VTI1A: variants seen among roughly 807,000 people sequenced by gnomAD.
VTI1A encodes vesicle transport through interaction with t-SNAREs homolog 1A.
A neutral mutation model predicts 34.9 loss-of-function variants in VTI1A; 22 were observed. That is an observed-to-expected ratio of 0.63 (90% CI 0.45 to 0.90). The LOEUF is 0.90. VTI1A is among the 40% of genes least tolerant of loss of function. The pLI is 0.00. For synonymous variants in VTI1A, 87 were observed against 97.3 expected, an observed-to-expected ratio of 0.89 and a Z score of 0.62; for missense variants, 268 against 275.6, an observed-to-expected ratio of 0.97 and a Z score of 0.20.
At chr10:112,748,528 G>T (rs1191266551) in intron 7 of VTI1A, among the ~76,000 whole-genome samples, 2 of 148,874 alleles carry the variant, frequency 1.3e-5, no homozygotes, top group Non-Finnish European at 3.0e-5. Context: ...TATTCTGAAA[G>T]CCAAGATGTG....
chr10:112,539,652 G>T (rs1479055529), intron 5 of VTI1A, among the ~76,000 whole-genome samples: 1 of 152,108 alleles, frequency 6.6e-6, no homozygotes. Context: ...ACCAGGCTTG[G>T]GTTCTAGCTC....
At chr10:112,585,391 C>CT (rs890125781) in intron 5 of VTI1A, among the ~76,000 whole-genome samples, 6 of 151,468 alleles carry the variant, frequency 4.0e-5, no homozygotes, top group Admixed American at 1.3e-4. Flanking sequence ...CAGCTTGTTA[C>CT]TTTTTTTTTG....
chr10:112,631,832 C>T (rs1404243639), intron 5 of VTI1A, among the ~76,000 whole-genome samples: 1 of 152,120 alleles, frequency 6.6e-6, no homozygotes, highest in Non-Finnish European at 1.5e-5. Flanking sequence ...TCATAATGCT[C>T]CATGTACTAA....
At position 112,790,580 on chromosome 10, in the gene VTI1A, G is replaced by C. The variant is rs190804931; in HGVS notation, c.561-24710G>C. On this transcript the variant is annotated intron_variant, in intron 7 of 7. Transcript: ENST00000393077. ...GACAATGCTGCTAGGCCTGGGTTTT[G>C]CCCTCTGCTCCAAATCAAGTCAGCC... 2.5e-3 allele frequency among the ~76,000 whole-genome samples: 381 copies of C among 152,210 alleles called. 2 individuals carry two copies. The highest frequency in any genetic ancestry group is 0.016 in the Admixed American group (250 of 15,288).
At chr10:112,834,592 G>T in the VTI1A span, among the ~76,000 whole-genome samples, 2 of 152,192 alleles carry the variant, frequency 1.3e-5, no homozygotes, top group African/African-American at 4.8e-5. Flanking sequence ...ATAAATTTCA[G>T]CTCTTGTTAC....
chr10:112,738,445 G>A (rs1288319814), intron 7 of VTI1A, among the ~76,000 whole-genome samples: 1 of 152,144 alleles, frequency 6.6e-6, no homozygotes, highest in African/African-American at 2.4e-5. Context: ...CCTTGAGGAC[G>A]GGGAGTGTGT....
intron 5 of VTI1A, among the ~76,000 whole-genome samples, chr10:112,543,105 C>T (rs1189414723): frequency 6.6e-6 from 1 of 152,176 alleles, no homozygotes; most frequent in Non-Finnish European, 1.5e-5. Flanking sequence ...CGTTCCAAGT[C>T]TTTGCTATTG....
At chr10:112,824,458 C>T in the VTI1A span, 2 of 152,442 alleles carry the variant, frequency 1.3e-5, no homozygotes, top group Admixed American at 1.3e-4. Flanking sequence ...GCCTGTAGTC[C>T]CTGCTAGTCA....
At chr10:112,529,094 G>A (rs1850340851) in intron 4 of VTI1A, among the ~76,000 whole-genome samples, 1 of 152,100 alleles carries the variant, frequency 6.6e-6, no homozygotes, top group Non-Finnish European at 1.5e-5. Flanking sequence ...AATTCTGAAA[G>A]TGCTTGGAGA....
chr10:112,748,665 G>A (rs1046840611), intron 7 of VTI1A, among the ~76,000 whole-genome samples: 1 of 122,556 alleles, frequency 8.2e-6, no homozygotes, highest in East Asian at 2.4e-4. Flanking sequence ...TCGCTCTGTC[G>A]CCCAGGCTGG....
chr10:112,531,788 A>G (rs1019968984), intron 4 of VTI1A, among the ~76,000 whole-genome samples: 1 of 152,152 alleles, frequency 6.6e-6, no homozygotes, highest in Non-Finnish European at 1.5e-5. Context: ...CAATTCCCAG[A>G]TCGTCTCTTT....
At chr10:112,635,032 C>T (rs1846294476) in intron 5 of VTI1A, among the ~76,000 whole-genome samples, 1 of 152,176 alleles carries the variant, frequency 6.6e-6, no homozygotes. Context: ...TAGGAGTCTC[C>T]TACGGACATT....
the VTI1A span, among the ~76,000 whole-genome samples, chr10:112,836,984 G>A: frequency 6.6e-6 from 1 of 152,200 alleles, no homozygotes; most frequent in African/African-American, 2.4e-5. Context: ...CGGAGCTCAG[G>A]ACTGTGAGCC....
At chr10:112,466,768 G>A (rs183278476) in intron 3 of VTI1A, among the ~76,000 whole-genome samples, 123 of 152,226 alleles carry the variant, frequency 8.1e-4, no homozygotes, top group Admixed American at 3.2e-3. Context: ...CTAGGGCTGT[G>A]ACAACAAAGT....
At chr10:112,768,001 C>T (rs1156278208) in intron 7 of VTI1A, among the ~76,000 whole-genome samples, 2 of 151,120 alleles carry the variant, frequency 1.3e-5, no homozygotes, top group African/African-American at 4.9e-5. Context: ...CTTCTGTGCT[C>T]CTATCTGCTC....
chr10:112,694,273 G>A (rs995285917), intron 7 of VTI1A, among the ~76,000 whole-genome samples: 3 of 151,960 alleles, frequency 2.0e-5, no homozygotes, highest in African/African-American at 7.3e-5. Flanking sequence ...CACCCCAGAA[G>A]CCTTAAAGCT....
At position 112,610,386 on chromosome 10, in the gene VTI1A, C is replaced by T. The variant is rs533377385; in HGVS notation, c.428-57832C>T. On this transcript the variant is annotated intron_variant, in intron 5 of 7. Coordinates refer to ENST00000393077, the MANE Select transcript of VTI1A (RefSeq NM_145206.4). ...TTTCCTTTCAGAGGCATTTCCCAAACCAAAACACCAAGCAAAATGTGGCAT... is the reference window on the plus strand; with the variant it reads ...TTTCCTTTCAGAGGCATTTCCCAAATCAAAACACCAAGCAAAATGTGGCAT... 2.6e-5 allele frequency among the ~76,000 whole-genome samples: 4 copies of T among 152,046 alleles called. 1 individual carries two copies. In the South Asian group the frequency reaches 8.3e-4, roughly 32 times the overall value.
At chr10:112,465,530 A>C (rs1847867469) in intron 3 of VTI1A, among the ~76,000 whole-genome samples, 2 of 152,246 alleles carry the variant, frequency 1.3e-5, no homozygotes, top group African/African-American at 4.8e-5. Flanking sequence ...TTCAGCCTTA[A>C]AAAAGAAAGG....
intron 5 of VTI1A, among the ~76,000 whole-genome samples, chr10:112,568,658 A>T (rs1467564878): frequency 6.6e-6 from 1 of 152,228 alleles, no homozygotes; most frequent in East Asian, 1.9e-4. Flanking sequence ...TCCCCGTCTT[A>T]TCCTATAACA....
Sources: allele counts gnomAD v4.1 joint callset (sites outside exome capture counted in the v4.1 genomes callset), GRCh38; gene constraint gnomAD v4.1.1; transcripts MANE v1.5; gene names NCBI Gene and HGNC (gene_info 2026-07-23, HGNC 2026-07-21).